SMYD3: variants seen among roughly 807,000 people sequenced by gnomAD.
The protein encoded by SMYD3 is histone-lysine N-methyltransferase SMYD3.
In SMYD3, 36 loss-of-function variants were observed where a neutral mutation model predicts 57.7. The observed-to-expected ratio is 0.62, with a 90% CI of 0.48 to 0.82. SMYD3 has a LOEUF of 0.82. Among genes scored for constraint, SMYD3 ranks in the 40% least tolerant of loss-of-function variants. SMYD3 has a pLI of 0.00. For synonymous variants in SMYD3, 211 were observed against 195.0 expected, an observed-to-expected ratio of 1.08 and a Z score of -0.68; for missense variants, 515 against 538.8, an observed-to-expected ratio of 0.96 and a Z score of 0.44.
At chr1:245,941,763 T>C (rs781584255) in intron 5 of SMYD3, among the ~76,000 whole-genome samples, 1 of 152,318 alleles carries the variant, frequency 6.6e-6, no homozygotes, top group Non-Finnish European at 1.5e-5. Context: ...CCTCAAGTGA[T>C]CTGCCTGCCT....
In SMYD3 at chr1:245,764,168, CA is replaced by C. The variant is rs771135349; in HGVS notation, c.1077-20del. The C allele has an allele frequency of 1.0e-5, 16 of 1,550,924 alleles. No homozygotes were observed. Among genetic ancestry groups the C allele is most frequent in the Non-Finnish European group, 1.3e-5 (15 of 1,122,566 alleles). On this transcript the variant is annotated intron_variant, in intron 10 of 11. Coordinates refer to ENST00000490107, the MANE Select transcript of SMYD3 (RefSeq NM_001167740.2). ...AAAAATCCTGGAAGAAACCAAACGG[CA>C]AACAGTGTCAGCAGCCCTCACCTTT... is the stretch of plus-strand genomic sequence containing the variant.
intron 5 of SMYD3, among the ~76,000 whole-genome samples, chr1:245,993,568 CA>C (rs10611495): frequency 2.0e-4 from 5 of 24,400 alleles, no homozygotes; most frequent in Non-Finnish European, 5.8e-4. Flanking sequence ...GACGTTGTCT[CA>C]AAAAAAAAAA....
At position 246,444,513 on chromosome 1, in the gene SMYD3, G is replaced by A. The variant is rs141452291; in HGVS notation, c.164+62541C>T. Among the ~76,000 whole-genome samples, 564 of 152,286 alleles carry A rather than the reference G, an allele frequency of 3.7e-3. 4 individuals are homozygous for A. The highest frequency in any genetic ancestry group is 5.2e-3 in the Non-Finnish European group (355 of 68,020). ...AGCAATCAAATATTGTAAGATTTGT[G>A]CTGGGTCAGAAGCATGACTGACTGC... is the stretch of plus-strand genomic sequence containing the variant. On this transcript the variant is annotated intron_variant, in intron 1 of 11. Transcript: ENST00000490107.
chr1:246,414,717 G>GTTTTTTT (rs1311609589), intron 1 of SMYD3, among the ~76,000 whole-genome samples: 1 of 123,374 alleles, frequency 8.1e-6, no homozygotes, highest in Non-Finnish European at 1.6e-5. Context: ...TTTTTTGCTG[G>GTTTTTTT]TTTTTTTTTT....
At chr1:246,278,848 A>G (rs2064387188) in intron 5 of SMYD3, among the ~76,000 whole-genome samples, 2 of 152,230 alleles carry the variant, frequency 1.3e-5, no homozygotes, top group South Asian at 4.1e-4. Context: ...AACAGAGGAG[A>G]AGATACCTAA....
rs2063200165 is a variant in SMYD3 at position 246,218,435 on chromosome 1, AAC to A, written c.531+108764_531+108765del. 7.2e-5 allele frequency among the ~76,000 whole-genome samples: 11 copies of A among 152,264 alleles called. 1 individual carries two copies. In the South Asian group the frequency reaches 2.3e-3, roughly 32 times the overall value. On this transcript the variant is annotated intron_variant, in intron 5 of 11. Coordinates refer to ENST00000490107, the MANE Select transcript of SMYD3 (RefSeq NM_001167740.2). ...TCAGGAGATCGAGACCATCCTGGCTAACACGGTGAAACCCCGTCTCTACTAAA... is the reference window on the plus strand; with the variant it reads ...TCAGGAGATCGAGACCATCCTGGCTAACGGTGAAACCCCGTCTCTACTAAA...
chr1:246,306,967 G>A (rs532100498), intron 5 of SMYD3, among the ~76,000 whole-genome samples: 110 of 151,310 alleles, frequency 7.3e-4, no homozygotes, highest in Middle Eastern at 3.4e-3. Flanking sequence ...TCAAACATAG[G>A]GGAGGATGGG....
At chr1:245,798,643 G>C (rs1309144079) in intron 10 of SMYD3, among the ~76,000 whole-genome samples, 1 of 152,002 alleles carries the variant, frequency 6.6e-6, no homozygotes, top group Non-Finnish European at 1.5e-5. Flanking sequence ...GGCTGGGCTT[G>C]TACTGGACGA....
At chr1:245,980,339 CG>C (rs2058564271) in intron 5 of SMYD3, among the ~76,000 whole-genome samples, 1 of 152,176 alleles carries the variant, frequency 6.6e-6, no homozygotes, top group Admixed American at 6.5e-5. Flanking sequence ...TGTACTTCAT[CG>C]ACTCCACTCC....
At position 246,002,161 on chromosome 1, in the gene SMYD3, G is replaced by A. The variant is rs1211593220; in HGVS notation, c.532-72224C>T. Among the ~76,000 whole-genome samples the A allele has an allele frequency of 3.9e-5, 6 of 152,166 alleles. No individual in the cohort carries two copies. The East Asian group carries it at 1.2e-3, about 29-fold the overall frequency. On this transcript the variant is annotated intron_variant, in intron 5 of 11. Coordinates refer to ENST00000490107, the MANE Select transcript of SMYD3 (RefSeq NM_001167740.2). The stretch of plus-strand genomic sequence containing the variant: ...GCCAGTTGTGAGGAGACTCCGGTCT[G>A]ACGGGCAAGATGACCACCTCCTTTT...
chr1:245,886,934 A>T (rs1011860384), intron 8 of SMYD3, among the ~76,000 whole-genome samples: 1 of 152,142 alleles, frequency 6.6e-6, no homozygotes, highest in Non-Finnish European at 1.5e-5. Flanking sequence ...ATCCTCCAGC[A>T]ATACTAAACC....
chr1:246,193,500 C>T (rs1381056477), intron 5 of SMYD3, among the ~76,000 whole-genome samples: 4 of 152,196 alleles, frequency 2.6e-5, no homozygotes, highest in Non-Finnish European at 4.4e-5. Flanking sequence ...AGAGGCAGCC[C>T]CAGCAGTGGC....
At chr1:246,222,777 G>A (rs960717313) in intron 5 of SMYD3, among the ~76,000 whole-genome samples, 1 of 152,110 alleles carries the variant, frequency 6.6e-6, no homozygotes, top group African/African-American at 2.4e-5. Context: ...TACTTCAGTG[G>A]CCTCTCATTG....
rs1000436535 is a variant in SMYD3, at chr1:245,973,807, T to C, written c.532-43870A>G. ...AAATCTACCTATATGAGTACTTTTTTGGGGGGTTCAGTGAGTCACTCACAG... is the reference window on the plus strand; with the variant it reads ...AAATCTACCTATATGAGTACTTTTTCGGGGGGTTCAGTGAGTCACTCACAG... On this transcript the variant is annotated intron_variant, in intron 5 of 11. Coordinates refer to ENST00000490107, the MANE Select transcript of SMYD3 (RefSeq NM_001167740.2). Among the ~76,000 whole-genome samples the C allele has an allele frequency of 2.6e-5, 4 of 152,178 alleles. No homozygotes were observed. The South Asian group carries it at 8.3e-4, about 32-fold the overall frequency.
At chr1:246,289,783 G>C (rs2064650357) in intron 5 of SMYD3, among the ~76,000 whole-genome samples, 2 of 152,118 alleles carry the variant, frequency 1.3e-5, no homozygotes, top group Non-Finnish European at 2.9e-5. Context: ...CTCACCAATG[G>C]AGGTCCACAA....
intron 1 of SMYD3, among the ~76,000 whole-genome samples, chr1:246,379,830 T>A (rs1373639936): frequency 6.6e-6 from 1 of 152,014 alleles, no homozygotes; most frequent in Non-Finnish European, 1.5e-5. Context: ...TGAAACCTCA[T>A]CTCCACTGAA....
chr1:246,349,049 G>A (rs2065776534), intron 2 of SMYD3, among the ~76,000 whole-genome samples: 1 of 152,112 alleles, frequency 6.6e-6, no homozygotes, highest in Non-Finnish European at 1.5e-5. Flanking sequence ...AAAAGTTGAG[G>A]AAATGTATTG....
intron 5 of SMYD3, among the ~76,000 whole-genome samples, chr1:246,282,328 A>AC (rs2064465469): frequency 2.1e-5 from 3 of 144,794 alleles, no homozygotes; most frequent in African/African-American, 7.7e-5. Context: ...AAAAAAAAAA[A>AC]AAAAAAAAAA....
intron 1 of SMYD3, among the ~76,000 whole-genome samples, chr1:246,443,371 G>A (rs1011570312): frequency 6.6e-6 from 1 of 152,122 alleles, no homozygotes; most frequent in Admixed American, 6.5e-5. Context: ...ATTTATTTAG[G>A]AAGCTCTACA....
Sources: gnomAD v4.1 joint callset for allele counts (sites outside exome capture counted in the v4.1 genomes callset) on GRCh38, gnomAD v4.1.1 for gene constraint, MANE v1.5 for transcripts, NCBI Gene and HGNC (gene_info 2026-07-23, HGNC 2026-07-21) for gene names.